The following FRMD6 variants were observed in gnomAD, a reference collection of about 807,000 sequenced individuals.
The protein encoded by FRMD6 is FERM domain containing 6, also known as FERM domain-containing protein 6.
A neutral mutation model predicts 73.2 loss-of-function variants in FRMD6; 37 were observed. The observed-to-expected ratio is 0.51, with a 90% CI of 0.39 to 0.66. The LOEUF is 0.66. Ranked by LOEUF, FRMD6 falls within the 30% of genes least tolerant of loss-of-function variation. The probability of loss-of-function intolerance (pLI) is 0.00; values close to 1 mark genes in which losing one functional copy is unlikely to be tolerated. For synonymous variants in FRMD6, 273 were observed against 282.2 expected (o/e 0.97, Z 0.33); for missense variants, 714 against 780.5 (o/e 0.91, Z 1.02).
rs6572787 is a variant in FRMD6 at position 51,708,329 on chromosome 14, C to T, written c.714+96C>T. On this transcript the variant is annotated intron_variant, in intron 7 of 13. Coordinates refer to ENST00000344768, the MANE Select transcript of FRMD6 (RefSeq NM_001267046.2). The stretch of plus-strand genomic sequence containing the variant: ...CCGAAGGATTTCATTTCCATTAAAA[C>T]TTATTTCATTTTTTACATGCTTTTA... 33 of 1,202,184 alleles carry T rather than the reference C, an allele frequency of 2.7e-5. No individual in the cohort carries two copies. In the Middle Eastern group the frequency reaches 7.7e-4, roughly 28 times the overall value. The allele number at this position is 1,202,184 out of a possible 1,614,324, so 74.5% of individuals were successfully genotyped here.
At chr14:51,676,840 T>G (rs554810649) in intron 1 of FRMD6, among the ~76,000 whole-genome samples, 1 of 152,314 alleles carries the variant, frequency 6.6e-6, no homozygotes, top group Non-Finnish European at 1.5e-5. Flanking sequence ...ATTACAATTT[T>G]GAAGTTAATC....
At chr14:51,399,883 A>G in the FRMD6 span, among the ~76,000 whole-genome samples, 1 of 152,138 alleles carries the variant, frequency 6.6e-6, no homozygotes, top group African/African-American at 2.4e-5. Flanking sequence ...TAAGAAAGTG[A>G]GAATTTTTGA....
At chr14:51,415,495 G>A in the FRMD6 span, among the ~76,000 whole-genome samples, 1 of 152,202 alleles carries the variant, frequency 6.6e-6, no homozygotes, top group Admixed American at 6.5e-5. Flanking sequence ...GCATCCCAGG[G>A]ATGAAGCTGA....
intron 1 of FRMD6, among the ~76,000 whole-genome samples, chr14:51,680,575 C>T (rs1286367062): frequency 1.3e-5 from 2 of 152,106 alleles, no homozygotes; most frequent in Non-Finnish European, 2.9e-5. Flanking sequence ...TTGGTTTATG[C>T]TTATTCATTG....
At chr14:51,511,274 A>C (rs1214790263) in intron 1 of FRMD6, among the ~76,000 whole-genome samples, 2 of 152,224 alleles carry the variant, frequency 1.3e-5, no homozygotes, top group Admixed American at 1.3e-4. Context: ...CCAAAAAAAG[A>C]AAGATGGTGA....
chr14:51,667,426 C>T (rs1044301461), intron 1 of FRMD6, among the ~76,000 whole-genome samples: 1 of 152,098 alleles, frequency 6.6e-6, no homozygotes, highest in African/African-American at 2.4e-5. Context: ...ATGTGTGACC[C>T]AAAATATAGA....
the FRMD6 span, among the ~76,000 whole-genome samples, chr14:51,472,863 G>T: frequency 1.3e-5 from 2 of 152,178 alleles, no homozygotes; most frequent in East Asian, 3.9e-4. Context: ...TAATCCCCAA[G>T]GCTGTGCTTT....
At chr14:51,532,082 A>G (rs1885614256) in intron 1 of FRMD6, among the ~76,000 whole-genome samples, 1 of 152,172 alleles carries the variant, frequency 6.6e-6, no homozygotes, top group Admixed American at 6.5e-5. Flanking sequence ...AAAAGAAATT[A>G]TTGGGGCCAG....
the FRMD6 span, among the ~76,000 whole-genome samples, chr14:51,460,843 A>T: frequency 6.6e-6 from 1 of 152,220 alleles, no homozygotes; most frequent in Non-Finnish European, 1.5e-5. Context: ...TGTGGTAATA[A>T]GATAAAGTGA....
At position 51,698,126 on chromosome 14, in the gene FRMD6, C is replaced by T. The variant is rs1566574731; in HGVS notation, c.100-16C>T. The T allele has an allele frequency of 1.3e-6, 2 of 1,596,904 alleles. No homozygotes were observed. The highest frequency in any genetic ancestry group is 4.5e-5 in the East Asian group (2 of 44,720). On this transcript the variant is annotated splice_polypyrimidine_tract_variant and intron_variant, in intron 2 of 13. Transcript: ENST00000344768. Reference sequence around the variant, plus strand: ...AGTTGAATTGTTATTTTACGTCGTGCCTTTTTCCCCTACAGGTTAAGATTC... The same window carrying T: ...AGTTGAATTGTTATTTTACGTCGTGTCTTTTTCCCCTACAGGTTAAGATTC...
intron 1 of FRMD6, among the ~76,000 whole-genome samples, chr14:51,509,883 C>T (rs1884195858): frequency 2.0e-5 from 3 of 152,138 alleles, no homozygotes; most frequent in Admixed American, 1.3e-4. Context: ...GTCTTGGTCT[C>T]CCAAAGTGCT....
Position 51,729,064 on chromosome 14 carries a change from AC to A in FRMD6, c.*1036del, listed in dbSNP as rs1417756284. ...GTCACTGAGTGAATGATACCTGCAG[AC>A]AGTCAGTTGATATATGTAGAGTTCA... is the stretch of plus-strand genomic sequence containing the variant. On this transcript the variant is annotated 3_prime_UTR_variant, in exon 14 of 14. Coordinates refer to ENST00000344768, the MANE Select transcript of FRMD6 (RefSeq NM_001267046.2). 5 of 152,152 alleles carry A rather than the reference AC, an allele frequency of 3.3e-5. No individual in the cohort carries two copies. Among genetic ancestry groups the A allele is most frequent in the Non-Finnish European group, 1.5e-5 (1 of 68,020 alleles). The allele number at this position is 152,152 out of a possible 1,614,324, so 9.4% of individuals were successfully genotyped here.
rs148753944 is a variant in FRMD6, at chr14:51,497,657, A to G, written c.-210+8237A>G. Among the ~76,000 whole-genome samples the G allele has an allele frequency of 3.0e-3, 456 of 152,354 alleles. 4 individuals are homozygous for G. The highest frequency in any genetic ancestry group is 0.01 in the African/African-American group (418 of 41,580). ...AGTGTATCTAAAACATTATCATTTC[A>G]ACATGTAATCTGTATAAAAATTATT... On this transcript the variant is annotated intron_variant, in intron 1 of 14. Transcript: ENST00000356218.
At chr14:51,727,598 C>T in intron 13 of FRMD6, 147 bp from the exon 14 acceptor site, 1 of 667,936 alleles carries the variant, frequency 1.5e-6, no homozygotes. Context: ...TATATTTCCC[C>T]ATACAGCCCA....
intron 3 of FRMD6, among the ~76,000 whole-genome samples, chr14:51,700,367 C>T (rs1010355476): frequency 2.6e-5 from 4 of 152,004 alleles, no homozygotes; most frequent in African/African-American, 9.7e-5. Context: ...TTTTAGCGGT[C>T]TTATTTTCTG....
At chr14:51,436,942 G>T in the FRMD6 span, 3 of 1,005,180 alleles carry the variant, frequency 3.0e-6, no homozygotes, top group Non-Finnish European at 4.4e-6. Context: ...AGGGAGAGGA[G>T]GATGAAGGAG....
chr14:51,553,338 G>A (rs1405631089), intron 1 of FRMD6, among the ~76,000 whole-genome samples: 1 of 152,188 alleles, frequency 6.6e-6, no homozygotes, highest in Non-Finnish European at 1.5e-5. Context: ...GCTTTAATCA[G>A]ACAGGTTCCC....
rs17124065 is a variant in FRMD6 at position 51,517,247 on chromosome 14, G to A, written c.-210+27827G>A. Among the ~76,000 whole-genome samples, 1,691 of 152,218 alleles carry A rather than the reference G, an allele frequency of 0.011. 76 individuals carry two copies. The East Asian group carries it at 0.11, about 10-fold the overall frequency. On this transcript the variant is annotated intron_variant, in intron 1 of 14. Coordinates refer to the FRMD6 transcript ENST00000356218. ...TTTATTTATAAAAGTTGACCAATCCGGTTTGGTTATTTCCATACATACGAG... is the reference window on the plus strand; with the variant it reads ...TTTATTTATAAAAGTTGACCAATCCAGTTTGGTTATTTCCATACATACGAG...
At chr14:51,704,654 C>T (rs1385160662) in intron 5 of FRMD6, 95 bp from the exon 6 acceptor site, 2 of 993,238 alleles carry the variant, frequency 2.0e-6, no homozygotes, top group Non-Finnish European at 3.0e-6. Flanking sequence ...CAGAAGGGTT[C>T]CTGTCACCAG....
Sources: allele counts gnomAD v4.1 joint callset (sites outside exome capture counted in the v4.1 genomes callset), GRCh38; gene constraint gnomAD v4.1.1; transcripts MANE v1.5; gene names NCBI Gene and HGNC (gene_info 2026-07-23, HGNC 2026-07-21).